The following SDHB variants were observed in gnomAD, a reference collection of about 807,000 sequenced individuals.
SDHB encodes the protein succinate dehydrogenase complex iron sulfur subunit B.
SDHB carries 21 observed loss-of-function variants against 39.7 expected under a neutral mutation model. The observed-to-expected ratio is 0.53, with a 90% confidence interval of 0.37 to 0.76. SDHB has a LOEUF of 0.76. Among genes scored for constraint, SDHB ranks in the 30% least tolerant of loss-of-function variants. SDHB has a pLI of 0.00. For synonymous variants in SDHB, 118 were observed against 117.0 expected (o/e 1.01, Z -0.06); for missense variants, 343 against 350.9 (o/e 0.98, Z 0.18).
chr1:17,027,592 C>T lies in SDHB; in HGVS notation c.540+157G>A, dbSNP rs565439514. On this transcript the variant is annotated intron_variant, in intron 5 of 7. Transcript: ENST00000375499. ...CATTCACGGGTTCACACTACTCACC[C>T]GGCCCTAAGAGGATGAGTGCCCCAC... The T allele has an allele frequency of 3.2e-5, 22 of 685,180 alleles. 1 individual carries two copies. Among genetic ancestry groups the T allele is most frequent in the Non-Finnish European group, 4.8e-5 (18 of 374,496 alleles). The allele number at this position is 685,180 out of a possible 1,614,324, so 42.4% of individuals were successfully genotyped here.
chr1:17,042,755 G>C (rs1212718654), intron 2 of SDHB, among the ~76,000 whole-genome samples: 4 of 146,636 alleles, frequency 2.7e-5, no homozygotes, highest in African/African-American at 9.8e-5. Context: ...TGTAACCTGG[G>C]TGACAGCGAG....
At position 17,018,926 on chromosome 1, in the gene SDHB, G is replaced by C. The variant is rs760042733; in HGVS notation, c.798C>G (p.Ile266Met). 3 of 1,612,606 alleles carry C rather than the reference G, an allele frequency of 1.9e-6. No homozygotes were observed. The African/African-American group carries it at 4.0e-5, about 22-fold the overall frequency. The change falls in exon 8 of 8, where the codon ATC becomes ATG. Residue 266 changes from isoleucine to methionine, a missense_variant. Ile to Met is a conservative substitution (Grantham distance 10). Transcript: ENST00000375499. ...GLNPGKAIAEIKKMMATYKEK... is the reference protein window; with the variant it reads ...GLNPGKAIAEMKKMMATYKEK... ...CCTTATAGGTTGCCATCATTTTCTT[G>C]ATCTCTGCAATAGCTTTCCCTGGAT...
At chr1:17,021,618 G>A (rs1259208978) in intron 7 of SDHB, among the ~76,000 whole-genome samples, 1 of 152,100 alleles carries the variant, frequency 6.6e-6, no homozygotes, top group South Asian at 2.1e-4. Flanking sequence ...AGTGGTGCCT[G>A]CCTGTAATCC....
intron 4 of SDHB, among the ~76,000 whole-genome samples, chr1:17,028,274 T>C (rs2078002698): frequency 6.6e-6 from 1 of 152,224 alleles, no homozygotes; most frequent in Admixed American, 6.5e-5. Context: ...GTTCCAATTC[T>C]AAAATTCTGT....
At chr1:17,041,095 A>G (rs1452147096) in intron 2 of SDHB, among the ~76,000 whole-genome samples, 1 of 152,088 alleles carries the variant, frequency 6.6e-6, no homozygotes, top group Non-Finnish European at 1.5e-5. Flanking sequence ...GCGCCACTGC[A>G]CTCCAGCCTG....
intron 4 of SDHB, 53 bp downstream of exon 4, chr1:17,028,547 A>G (rs1438229181): frequency 6.3e-5 from 101 of 1,596,218 alleles, no homozygotes; most frequent in Middle Eastern, 3.3e-4. Flanking sequence ...TAACACACAT[A>G]GCACTGCCCC....
chr1:17,046,509 C>T (rs1324810857), intron 1 of SDHB, among the ~76,000 whole-genome samples: 1 of 152,038 alleles, frequency 6.6e-6, no homozygotes, highest in African/African-American at 2.4e-5. Flanking sequence ...CTTTTGTGCC[C>T]TTGATGGCAA....
At position 17,051,243 on chromosome 1, in the gene SDHB, G is replaced by A. The variant is rs184225839; in HGVS notation, c.72+2705C>T. 3.3e-5 allele frequency among the ~76,000 whole-genome samples: 5 copies of A among 152,252 alleles called. No homozygotes were observed. The East Asian group carries it at 7.7e-4, about 23-fold the overall frequency. Reference sequence around the variant, plus strand: ...GAGGGCCCCTTGAAAGCATTTTTACGTTAATCTAAAGACTAATGAGTATTC... The same window carrying A: ...GAGGGCCCCTTGAAAGCATTTTTACATTAATCTAAAGACTAATGAGTATTC... On this transcript the variant is annotated intron_variant, in intron 1 of 7. Coordinates refer to ENST00000375499, the MANE Select transcript of SDHB (RefSeq NM_003000.3).
intron 3 of SDHB, among the ~76,000 whole-genome samples, chr1:17,031,068 C>G (rs1452281835): frequency 6.6e-6 from 1 of 151,420 alleles, no homozygotes; most frequent in Non-Finnish European, 1.5e-5. Context: ...GGATCACAGG[C>G]GTGAGCCACT....
At chr1:17,050,476 C>T (rs2078139714) in intron 1 of SDHB, among the ~76,000 whole-genome samples, 1 of 151,864 alleles carries the variant, frequency 6.6e-6, no homozygotes, top group Non-Finnish European at 1.5e-5. Flanking sequence ...CGGTGAAACC[C>T]CGTCTCTACT....
chr1:17,044,521 TCAC>T (rs1233871611), intron 2 of SDHB, among the ~76,000 whole-genome samples: 1 of 152,168 alleles, frequency 6.6e-6, no homozygotes, highest in African/African-American at 2.4e-5. Context: ...GAGGGGAGTT[TCAC>T]CATGTTGGCC....
intron 7 of SDHB, 37 bp from the exon 8 acceptor site, chr1:17,018,995 A>G (rs766199800): frequency 6.7e-7 from 1 of 1,487,228 alleles, no homozygotes; most frequent in Non-Finnish European, 9.4e-7. Context: ...ACAAATGATA[A>G]CTGAAACTGA....
chr1:17,027,894 G>C (rs199637819), intron 4 of SDHB, 29 bp from the exon 5 acceptor site: 1 of 1,335,410 alleles, frequency 7.5e-7, no homozygotes, highest in Non-Finnish European at 1.1e-6. Context: ...AGAAGAAGAA[G>C]AAGAAGAAAA....
At chr1:17,040,471 C>T (rs2078073768) in intron 2 of SDHB, among the ~76,000 whole-genome samples, 1 of 152,098 alleles carries the variant, frequency 6.6e-6, no homozygotes, top group African/African-American at 2.4e-5. Context: ...CATCCACTCA[C>T]CCATGCATGG....
In SDHB at chr1:17,027,044, T is replaced by G. The variant is rs561729970; in HGVS notation, c.540+705A>C. 4.7e-4 allele frequency among the ~76,000 whole-genome samples: 71 copies of G among 152,364 alleles called. 1 individual carries two copies. Among genetic ancestry groups the G allele is most frequent in the Middle Eastern group, 3.4e-3 (1 of 294 alleles). On this transcript the variant is annotated intron_variant, in intron 5 of 7. Transcript: ENST00000375499. ...AAGGAAGAAGACACAGCCATTGCCCTTGGCCCTGTGCAGACCTGCAGGTGG... is the reference window on the plus strand; with the variant it reads ...AAGGAAGAAGACACAGCCATTGCCCGTGGCCCTGTGCAGACCTGCAGGTGG...
At chr1:17,027,669 G>T in intron 5 of SDHB, 80 bp downstream of exon 5, 1 of 904,032 alleles carries the variant, frequency 1.1e-6, no homozygotes, top group Non-Finnish European at 1.9e-6. Flanking sequence ...ATCAGCTTAT[G>T]TTCCCTGCCA....
rs2078020052 is a variant in SDHB, at chr1:17,031,055, C to T, written c.286+2005G>A. 2.0e-5 allele frequency among the ~76,000 whole-genome samples: 3 copies of T among 151,026 alleles called. No individual in the cohort carries two copies. In the South Asian group the frequency reaches 6.3e-4, roughly 32 times the overall value. On this transcript the variant is annotated intron_variant, in intron 3 of 7. Coordinates refer to ENST00000375499, the MANE Select transcript of SDHB (RefSeq NM_003000.3). Reference sequence around the variant, plus strand: ...CCTACCACCTAGACCTCCCAAAGTACTGGGATCACAGGCGTGAGCCACTGC... The same window carrying T: ...CCTACCACCTAGACCTCCCAAAGTATTGGGATCACAGGCGTGAGCCACTGC...
chr1:17,036,743 T>A (rs1376016470), intron 2 of SDHB, among the ~76,000 whole-genome samples: 5 of 146,632 alleles, frequency 3.4e-5, no homozygotes, highest in Non-Finnish European at 7.5e-5. Flanking sequence ...TATGAATATA[T>A]AAATATAAAT....
chr1:17,032,137 T>G (rs975459547), intron 3 of SDHB, among the ~76,000 whole-genome samples: 7 of 152,162 alleles, frequency 4.6e-5, no homozygotes, highest in African/African-American at 1.7e-4. Context: ...TTTAACTTGT[T>G]TTGCTTAAAT....
Sources: allele counts gnomAD v4.1 joint callset (sites outside exome capture counted in the v4.1 genomes callset), GRCh38; gene constraint gnomAD v4.1.1; transcripts MANE v1.5; gene names NCBI Gene and HGNC (gene_info 2026-07-23, HGNC 2026-07-21).